The following DNAJC1 variants were observed in gnomAD, a reference collection of about 807,000 sequenced individuals.
The protein encoded by DNAJC1 is DnaJ heat shock protein family (Hsp40) member C1.
A neutral mutation model predicts 76.6 loss-of-function variants in DNAJC1; 58 were observed. That is an observed-to-expected ratio of 0.76 (90% CI 0.61 to 0.94). The LOEUF is 0.94. DNAJC1 is among the 40% of genes least tolerant of loss of function. DNAJC1 has a pLI of 0.00. For missense variants in DNAJC1, 689 were observed against 677.3 expected (o/e 1.02, Z -0.19); for synonymous variants, 258 against 267.9 (o/e 0.96, Z 0.36).
chr10:21,817,623 GA>G (rs1049783599), intron 8 of DNAJC1, among the ~76,000 whole-genome samples: 4 of 151,866 alleles, frequency 2.6e-5, no homozygotes, highest in South Asian at 2.1e-4. Context: ...AGCTCTTAAT[GA>G]AAAAAAATGT....
chr10:21,874,887 T>TTG (rs953391778), intron 8 of DNAJC1, among the ~76,000 whole-genome samples: 17 of 151,966 alleles, frequency 1.1e-4, no homozygotes, highest in African/African-American at 2.4e-4. Flanking sequence ...TTTTGTTTTT[T>TTG]TGTGTGTGTG....
chr10:21,863,264 G>A (rs562235160), intron 8 of DNAJC1, among the ~76,000 whole-genome samples: 1 of 152,232 alleles, frequency 6.6e-6, no homozygotes, highest in African/African-American at 2.4e-5. Context: ...TGTAGCTCAA[G>A]AGAGGCTAAA....
At chr10:21,973,271 C>A (rs981540373) in intron 1 of DNAJC1, among the ~76,000 whole-genome samples, 6 of 152,062 alleles carry the variant, frequency 3.9e-5, no homozygotes, top group African/African-American at 1.4e-4. Flanking sequence ...AATGTAGCAC[C>A]AATGAATGAA....
intron 1 of DNAJC1, among the ~76,000 whole-genome samples, chr10:21,993,667 C>T (rs574431683): frequency 6.6e-6 from 1 of 152,008 alleles, no homozygotes; most frequent in Admixed American, 6.6e-5. Context: ...TATGTGTATC[C>T]TGCTTTCTTC....
At chr10:21,899,994 T>C (rs1226425359) in intron 7 of DNAJC1, among the ~76,000 whole-genome samples, 1 of 152,166 alleles carries the variant, frequency 6.6e-6, no homozygotes, top group Non-Finnish European at 1.5e-5. Flanking sequence ...CTGTGTAACA[T>C]GGTAGACTTT....
intron 9 of DNAJC1, among the ~76,000 whole-genome samples, chr10:21,801,628 T>C (rs1834814358): frequency 6.6e-6 from 1 of 152,146 alleles, no homozygotes; most frequent in African/African-American, 2.4e-5. Flanking sequence ...TCAGCAATCC[T>C]ATTACTGGAC....
At chr10:21,945,293 G>A (rs1837486380) in intron 1 of DNAJC1, among the ~76,000 whole-genome samples, 2 of 152,172 alleles carry the variant, frequency 1.3e-5, no homozygotes, top group African/African-American at 4.8e-5. Context: ...AATGGGTACA[G>A]ATACCTAAGA....
At chr10:21,760,257 C>T (rs954511355) in intron 10 of DNAJC1, among the ~76,000 whole-genome samples, 10 of 152,058 alleles carry the variant, frequency 6.6e-5, no homozygotes, top group Non-Finnish European at 1.3e-4. Context: ...TGCTTCAGCC[C>T]GGGCAACAGA....
chr10:21,826,237 CAA>C (rs538301271), intron 8 of DNAJC1, among the ~76,000 whole-genome samples: 2 of 77,482 alleles, frequency 2.6e-5, no homozygotes. Context: ...AGACTTTGTC[CAA>C]AAAAAAAAAA....
chr10:21,946,049 CTT>C (rs71510915), intron 1 of DNAJC1, among the ~76,000 whole-genome samples: 1 of 93,306 alleles, frequency 1.1e-5, no homozygotes, highest in Non-Finnish European at 1.9e-5. Context: ...TTCTTTTCCT[CTT>C]TTTTTTTTTT....
chr10:21,951,047 A>G lies in DNAJC1; in HGVS notation c.223-21906T>C, dbSNP rs143527899. ...TGCTGCCAGATAGATTAAAAAAAAA[A>G]GTAATCTAGATGGCCAGGCGAGGTG... is the stretch of plus-strand genomic sequence containing the variant. On this transcript the variant is annotated intron_variant, in intron 1 of 11. Transcript: ENST00000376980. 3.1e-3 allele frequency among the ~76,000 whole-genome samples: 478 copies of G among 152,350 alleles called. 4 individuals carry two copies. The highest frequency in any genetic ancestry group is 0.011 in the African/African-American group (444 of 41,590).
chr10:21,887,483 AACAATAC>A (rs1252479334), intron 7 of DNAJC1, among the ~76,000 whole-genome samples: 1 of 152,188 alleles, frequency 6.6e-6, no homozygotes, highest in African/African-American at 2.4e-5. Flanking sequence ...CCTTACTTCA[AACAATAC>A]TACAGGGCTA....
intron 1 of DNAJC1, among the ~76,000 whole-genome samples, chr10:21,968,020 G>A (rs1002615806): frequency 6.6e-6 from 1 of 152,126 alleles, no homozygotes; most frequent in Non-Finnish European, 1.5e-5. Context: ...TTTCTAAAAT[G>A]AGCCTTCATA....
chr10:21,986,500 G>A (rs897902956), intron 1 of DNAJC1, among the ~76,000 whole-genome samples: 1 of 151,998 alleles, frequency 6.6e-6, no homozygotes, highest in Non-Finnish European at 1.5e-5. Context: ...TCTTTATTAG[G>A]TTGAGGAAAT....
intron 10 of DNAJC1, among the ~76,000 whole-genome samples, chr10:21,764,024 C>G (rs1834269143): frequency 6.6e-6 from 1 of 152,074 alleles, no homozygotes; most frequent in Non-Finnish European, 1.5e-5. Flanking sequence ...AAACAAAGAT[C>G]AACAGAAATT....
chr10:21,811,923 A>C (rs747407804), intron 8 of DNAJC1, among the ~76,000 whole-genome samples: 1 of 152,250 alleles, frequency 6.6e-6, no homozygotes, highest in Non-Finnish European at 1.5e-5. Context: ...CAGTCTACCC[A>C]GCAATGCATG....
chr10:21,827,783 G>C lies in DNAJC1; in HGVS notation c.979-21684C>G, dbSNP rs570492643. ...TGAAGTTCTAAGTGGACATGGATTT[G>C]TTTGGGATACTATTCAACCCACTAT... On this transcript the variant is annotated intron_variant, in intron 8 of 11. Coordinates refer to ENST00000376980, the MANE Select transcript of DNAJC1 (RefSeq NM_022365.4). Among the ~76,000 whole-genome samples, 4 of 152,302 alleles carry C rather than the reference G, an allele frequency of 2.6e-5. No homozygotes were observed. The South Asian group carries it at 6.2e-4, about 24-fold the overall frequency.
chr10:21,780,459 G>T (rs547199908), intron 9 of DNAJC1, among the ~76,000 whole-genome samples: 1 of 152,290 alleles, frequency 6.6e-6, no homozygotes, highest in Admixed American at 6.5e-5. Context: ...TTAAAGAAAA[G>T]AATTTTCAAC....
intron 8 of DNAJC1, among the ~76,000 whole-genome samples, chr10:21,835,669 C>A (rs1225925512): frequency 6.6e-6 from 1 of 152,244 alleles, no homozygotes; most frequent in East Asian, 1.9e-4. Flanking sequence ...ACGAGAGCTA[C>A]GTGACGAATG....
Sources: gnomAD v4.1 joint callset for allele counts (sites outside exome capture counted in the v4.1 genomes callset) on GRCh38, gnomAD v4.1.1 for gene constraint, MANE v1.5 for transcripts, NCBI Gene and HGNC (gene_info 2026-07-23, HGNC 2026-07-21) for gene names.